The following ZFP82 variants were observed in gnomAD, a reference collection of about 807,000 sequenced individuals.
ZFP82 encodes the protein zinc finger protein 82 homolog.
Under a neutral mutation model 54.0 loss-of-function variants are expected in ZFP82, and 30 were observed. That is an observed-to-expected ratio of 0.56 (90% confidence interval 0.42 to 0.75). The LOEUF is 0.75. Ranked by LOEUF, ZFP82 falls within the 30% of genes least tolerant of loss-of-function variation. The pLI is 0.00. For missense variants in ZFP82, 500 were observed against 636.8 expected, an observed-to-expected ratio of 0.79 and a Z score of 2.31; for synonymous variants, 194 against 209.5, an observed-to-expected ratio of 0.93 and a Z score of 0.64.
rs1488943064 is a variant in ZFP82 at position 36,389,151 on chromosome 19, T to C, written c.*3590A>G. ...GCCTCCTGGGTTCAAGCGATTTTCC[T>C]GCCTCAGCCTCCCGAGTAGCTGGGA... On this transcript the variant is annotated 3_prime_UTR_variant, in exon 5 of 5. Transcript: ENST00000392161. 1.3e-5 allele frequency among the ~76,000 whole-genome samples: 2 copies of C among 151,974 alleles called. No homozygotes were observed. Among genetic ancestry groups the C allele is most frequent in the Non-Finnish European group, 2.9e-5 (2 of 67,990 alleles).
In ZFP82 at chr19:36,411,123, G is replaced by GC. The variant is rs377625042; in HGVS notation, c.-78-1257_-78-1256insG. Among the ~76,000 whole-genome samples the GC allele has an allele frequency of 2.0e-5, 3 of 151,766 alleles. No individual in the cohort carries two copies. The South Asian group carries it at 6.3e-4, about 32-fold the overall frequency. Reference sequence around the variant, plus strand: ...GAGGAGAATCGCTTGGACCTAGGGGGGCGGAGGTTGCAGTGAGCCGAGATT... The same window carrying GC: ...GAGGAGAATCGCTTGGACCTAGGGGGCGCGGAGGTTGCAGTGAGCCGAGATT... On this transcript the variant is annotated intron_variant, in intron 1 of 4. Transcript: ENST00000392161.
chr19:36,386,421 C>T (rs1415313214), downstream of ZFP82, among the ~76,000 whole-genome samples: 1 of 152,216 alleles, frequency 6.6e-6, no homozygotes, highest in Non-Finnish European at 1.5e-5. Flanking sequence ...ATGAGCAGAA[C>T]CACTGCAGAG....
rs939511310 is a variant in ZFP82, at chr19:36,390,161, G to A, written c.*2580C>T. On this transcript the variant is annotated 3_prime_UTR_variant, in exon 5 of 5. Transcript: ENST00000392161. ...CATGCCTCCCGTTTGTGGGATCTGC[G>A]TATAAACTTCTTCCTTCATGACAAT... Among the ~76,000 whole-genome samples the A allele has an allele frequency of 1.4e-4, 22 of 151,992 alleles. No homozygotes were observed. Among genetic ancestry groups the A allele is most frequent in the African/African-American group, 3.6e-4 (15 of 41,352 alleles).
Position 36,405,624 on chromosome 19 carries a change from T to C in ZFP82, c.185A>G (p.Lys62Arg). 1 of 1,611,544 alleles carries C rather than the reference T, an allele frequency of 6.2e-7. No homozygotes were observed. Reference sequence around the variant, plus strand: ...TTTCCTCACAACTTTCCAAGGCTCTTTTCCTTGCTCCAATGAGGAAATCAC... The same window carrying C: ...TTTCCTCACAACTTTCCAAGGCTCTCTTCCTTGCTCCAATGAGGAAATCAC... ...PDVISSLEQG[K>R]EPWKVVRKGR... The change falls in exon 4 of 5, where the codon AAA becomes AGA. Residue 62 changes from lysine (K) to arginine (R), a missense_variant. Physicochemically the swap from Lys to Arg is conservative, Grantham distance 26. Transcript: ENST00000392161.
chr19:36,393,929 G>T lies in ZFP82; in HGVS notation c.411C>A (p.Tyr137Ter). The T allele has an allele frequency of 6.2e-7, 1 of 1,614,156 alleles. No individual in the cohort carries two copies. Among genetic ancestry groups the T allele is most frequent in the Non-Finnish European group, 8.5e-7 (1 of 1,180,016 alleles). The change falls in exon 5 of 5, where the codon TAC becomes TAA. Residue 137 changes from tyrosine to a stop codon, truncating the protein, a stop_gained. Coordinates refer to ENST00000392161, the MANE Select transcript of ZFP82 (RefSeq NM_133466.4). LOFTEE classifies it high-confidence loss of function. ...IEGQERPQEG[Y>*]FSSVKMPSEK... ...CAGATGGCATTTTCACACTACTGAA[G>T]TATCCTTCTTGAGGTCTCTCCTGTC...
At chr19:36,398,124 G>A (rs948320545) in intron 4 of ZFP82, among the ~76,000 whole-genome samples, 9 of 152,126 alleles carry the variant, frequency 5.9e-5, no homozygotes, top group Non-Finnish European at 1.3e-4. Flanking sequence ...TTCATAAAGT[G>A]ATACTGATAT....
intron 1 of ZFP82, among the ~76,000 whole-genome samples, chr19:36,413,627 TCA>T (rs1349757433): frequency 2.0e-5 from 3 of 152,144 alleles, no homozygotes; most frequent in African/African-American, 7.2e-5. Context: ...TGGCAGACTC[TCA>T]GTTATTAAAA....
chr19:36,402,215 T>C (rs1028186688), intron 4 of ZFP82, among the ~76,000 whole-genome samples: 2 of 152,128 alleles, frequency 1.3e-5, no homozygotes, highest in Non-Finnish European at 2.9e-5. Context: ...ACGCCTGTAA[T>C]CCCAGCACTT....
intron 4 of ZFP82, among the ~76,000 whole-genome samples, chr19:36,404,067 T>C (rs1287518620): frequency 6.6e-6 from 1 of 152,184 alleles, no homozygotes; most frequent in Non-Finnish European, 1.5e-5. Flanking sequence ...GTTATTATGT[T>C]TCTCTTATTA....
In ZFP82 at chr19:36,389,043, CTTTT is replaced by C. The variant is rs34929021; in HGVS notation, c.*3694_*3697del. ...TACAATTTCAGACTTGATTTTCTTT[CTTTT>C]TTTTTTTTTTTGAGATGGAGTCTCA... On this transcript the variant is annotated 3_prime_UTR_variant, in exon 5 of 5. Coordinates refer to ENST00000392161, the MANE Select transcript of ZFP82 (RefSeq NM_133466.4). Among the ~76,000 whole-genome samples the C allele has an allele frequency of 1.5e-5, 2 of 134,564 alleles. No homozygotes were observed. The highest frequency in any genetic ancestry group is 2.8e-5 in the African/African-American group (1 of 35,608). 88.3% of individuals were successfully genotyped at this position (134,564 alleles called of 152,430 possible). A position where few individuals can be genotyped will look rare whatever the true frequency, so the allele number is the denominator to read the frequency against.
chr19:36,392,392 T>C lies in ZFP82; in HGVS notation c.*349A>G. The stretch of plus-strand genomic sequence containing the variant: ...TAGATTCCTGTATACAACAGAGGGA[T>C]GTAGATTCCACCTCTTGATTGAAAG... On this transcript the variant is annotated 3_prime_UTR_variant, in exon 5 of 5. Transcript: ENST00000392161. 5.6e-6 allele frequency: 1 copy of C among 177,398 alleles called. No individual in the cohort carries two copies. The highest frequency in any genetic ancestry group is 1.4e-4 in the South Asian group (1 of 7,344). 11.0% of individuals were successfully genotyped at this position (177,398 alleles called of 1,614,324 possible).
At chr19:36,418,122 T>A (rs2032704428) in intron 1 of ZFP82, among the ~76,000 whole-genome samples, 1 of 152,064 alleles carries the variant, frequency 6.6e-6, no homozygotes, top group Admixed American at 6.5e-5. Flanking sequence ...TTCGCTTTGC[T>A]GCCCAGGCTG....
chr19:36,411,218 T>C (rs987089460), intron 1 of ZFP82, among the ~76,000 whole-genome samples: 2 of 151,672 alleles, frequency 1.3e-5, no homozygotes, highest in East Asian at 1.9e-4. Context: ...ATAAAATCAT[T>C]TGTAGAAATG....
At chr19:36,385,951 A>T (rs920692965), downstream of ZFP82, among the ~76,000 whole-genome samples, 5 of 152,272 alleles carry the variant, frequency 3.3e-5, no homozygotes, top group African/African-American at 1.2e-4. Flanking sequence ...AAGGCAGAAC[A>T]AAAAGATATG....
Position 36,391,639 on chromosome 19 carries a change from A to G in ZFP82, c.*1102T>C, listed in dbSNP as rs1212588696. On this transcript the variant is annotated 3_prime_UTR_variant, in exon 5 of 5. Transcript: ENST00000392161. ...ACCATTATGCCCAGCTAATTTTTAA[A>G]GTTTTTTGGTAGAGACAGGGTCTCA... 1 of 151,978 alleles carries G rather than the reference A, an allele frequency of 6.6e-6. No individual in the cohort carries two copies. Among genetic ancestry groups the G allele is most frequent in the Non-Finnish European group, 1.5e-5 (1 of 68,020 alleles). 9.4% of individuals were successfully genotyped at this position (151,978 alleles called of 1,614,324 possible).
At chr19:36,401,066 T>C (rs1466237160) in intron 4 of ZFP82, among the ~76,000 whole-genome samples, 1 of 152,002 alleles carries the variant, frequency 6.6e-6, no homozygotes, top group South Asian at 2.1e-4. Flanking sequence ...CCTTCTTTTT[T>C]TTTTTTTTTA....
exon 2 of ZFP82, chr19:36,383,165 T>C (rs2032078464): frequency 6.6e-6 from 1 of 152,088 alleles, no homozygotes; most frequent in Non-Finnish European, 1.5e-5. Flanking sequence ...CCCAACCACA[T>C]GGCCGAGGAA....
At position 36,392,634 on chromosome 19, in the gene ZFP82, T is replaced by G. The variant is rs1052125360; in HGVS notation, c.*107A>C. 2.8e-5 allele frequency: 27 copies of G among 951,118 alleles called. No homozygotes were observed. The highest frequency in any genetic ancestry group is 6.1e-5 in the Admixed American group (2 of 32,624). The allele number at this position is 951,118 out of a possible 1,614,324, so 58.9% of individuals were successfully genotyped here. A position where few individuals can be genotyped will look rare whatever the true frequency, so the allele number is the denominator to read the frequency against. On this transcript the variant is annotated 3_prime_UTR_variant, in exon 5 of 5. Coordinates refer to ENST00000392161, the MANE Select transcript of ZFP82 (RefSeq NM_133466.4). ...ACTACAATACATTGTCACACTCTTT[T>G]AATGGTATAAAACCTCTAATGCCAA...
At chr19:36,405,861 A>G (rs1311365447) in intron 3 of ZFP82, among the ~76,000 whole-genome samples, 189 bp from the exon 4 acceptor site, 1 of 152,190 alleles carries the variant, frequency 6.6e-6, no homozygotes, top group Non-Finnish European at 1.5e-5. Context: ...GAATGAAAAA[A>G]TCTTTTTAAA....
Sources: gnomAD v4.1 joint callset for allele counts (sites outside exome capture counted in the v4.1 genomes callset) on GRCh38, gnomAD v4.1.1 for gene constraint, MANE v1.5 for transcripts, NCBI Gene and HGNC (gene_info 2026-07-23, HGNC 2026-07-21) for gene names.